GOLM2: variants seen among roughly 807,000 people sequenced by gnomAD.
GOLM2 encodes golgi membrane protein 2.
Under a neutral mutation model 55.9 loss-of-function variants are expected in GOLM2, and 26 were observed. That is an observed-to-expected ratio of 0.47 (90% CI 0.34 to 0.65). GOLM2 has a LOEUF of 0.65. Ranked by LOEUF, GOLM2 falls within the 30% of genes least tolerant of loss-of-function variation. The pLI is 0.01. For synonymous variants in GOLM2, 165 were observed against 194.6 expected, an observed-to-expected ratio of 0.85 and a Z score of 1.27; for missense variants, 486 against 531.8, an observed-to-expected ratio of 0.91 and a Z score of 0.85.
chr15:44,389,359 G>A (rs1028957248), intron 8 of GOLM2, among the ~76,000 whole-genome samples: 17 of 151,962 alleles, frequency 1.1e-4, no homozygotes. Context: ...GCAGAACCCT[G>A]TCTCTACTGA....
chr15:44,341,886 C>T (rs994134937), intron 6 of GOLM2, among the ~76,000 whole-genome samples: 7 of 151,826 alleles, frequency 4.6e-5, no homozygotes, highest in African/African-American at 4.8e-5. Flanking sequence ...TTAGTAGAGA[C>T]GGGGTTTCAC....
At chr15:44,323,275 C>G (rs2078963316) in intron 2 of GOLM2, among the ~76,000 whole-genome samples, 1 of 151,880 alleles carries the variant, frequency 6.6e-6, no homozygotes, top group Non-Finnish European at 1.5e-5. Flanking sequence ...ATGAAATGTT[C>G]TTAAGAGAAT....
chr15:44,364,609 T>C (rs1389207816), intron 6 of GOLM2, among the ~76,000 whole-genome samples: 1 of 151,480 alleles, frequency 6.6e-6, no homozygotes, highest in Non-Finnish European at 1.5e-5. Context: ...GTGGTAGGAT[T>C]GCTTGAGCCC....
At chr15:44,353,226 A>C (rs769240253) in intron 6 of GOLM2, among the ~76,000 whole-genome samples, 1 of 152,242 alleles carries the variant, frequency 6.6e-6, no homozygotes, top group Non-Finnish European at 1.5e-5. Flanking sequence ...TATCCAAAAG[A>C]CAGGCAATAA....
chr15:44,391,599 A>T (rs2079490037), intron 8 of GOLM2, among the ~76,000 whole-genome samples: 1 of 150,068 alleles, frequency 6.7e-6, no homozygotes, highest in Non-Finnish European at 1.5e-5. Flanking sequence ...AACAAAAATG[A>T]AAAAAAAAGA....
At chr15:44,361,849 T>G (rs1385295190) in intron 6 of GOLM2, among the ~76,000 whole-genome samples, 7 of 152,150 alleles carry the variant, frequency 4.6e-5, no homozygotes, top group African/African-American at 1.7e-4. Flanking sequence ...TCCGCCATGA[T>G]CAAGTGGGCT....
At chr15:44,369,232 GTGTT>G (rs1196044161) in intron 6 of GOLM2, among the ~76,000 whole-genome samples, 2 of 143,688 alleles carry the variant, frequency 1.4e-5, no homozygotes, top group Non-Finnish European at 3.0e-5. Context: ...GTGTGTGTGT[GTGTT>G]TGTATGTGTG....
At chr15:44,411,648 T>C (rs1056946669) in intron 9 of GOLM2, among the ~76,000 whole-genome samples, 5 of 151,886 alleles carry the variant, frequency 3.3e-5, no homozygotes, top group Non-Finnish European at 5.9e-5. Flanking sequence ...GAGACCGGCC[T>C]GGCCAACATG....
intron 1 of GOLM2, among the ~76,000 whole-genome samples, chr15:44,321,515 C>T (rs1006064827): frequency 4.0e-5 from 6 of 149,706 alleles, no homozygotes; most frequent in Non-Finnish European, 7.4e-5. Flanking sequence ...TGAGGGAGAT[C>T]TTTGTGATGA....
Position 44,380,807 on chromosome 15 carries a change from T to G in GOLM2, c.903T>G (p.Asp301Glu). The G allele has an allele frequency of 7.3e-6, 11 of 1,504,128 alleles. No individual in the cohort carries two copies. The highest frequency in any genetic ancestry group is 9.8e-6 in the Non-Finnish European group (11 of 1,127,350). 93.2% of individuals were successfully genotyped at this position (1,504,128 alleles called of 1,614,324 possible). ...GQPLSPNMPP[D>E]SHINHNGNPG... ...TAATTTGATGTTTTTATGCCACAGATTCACACATAAACCACAATGGAAACC... is the reference window on the plus strand; with the variant it reads ...TAATTTGATGTTTTTATGCCACAGAGTCACACATAAACCACAATGGAAACC... The change falls in exon 8 of 10, where the codon GAT (aspartate) becomes GAG (glutamate). Residue 301 changes from aspartate to glutamate, a missense_variant and splice_region_variant. Physicochemically the swap from Asp to Glu is conservative, Grantham distance 45. Coordinates refer to ENST00000299957, the MANE Select transcript of GOLM2 (RefSeq NM_138423.4).
intron 1 of GOLM2, among the ~76,000 whole-genome samples, chr15:44,300,319 A>C (rs1176879794): frequency 6.6e-6 from 1 of 152,106 alleles, no homozygotes; most frequent in Non-Finnish European, 1.5e-5. Context: ...CAAGTATATT[A>C]ATTCAGTTGA....
At chr15:44,301,728 A>G (rs910065986) in intron 1 of GOLM2, among the ~76,000 whole-genome samples, 7 of 152,004 alleles carry the variant, frequency 4.6e-5, no homozygotes, top group Non-Finnish European at 1.0e-4. Flanking sequence ...AATGTTGCAT[A>G]TTTTATTTTA....
rs150527197 is a variant in GOLM2, at chr15:44,338,829, T to C, written c.802+512T>C. On this transcript the variant is annotated intron_variant, in intron 6 of 9. Coordinates refer to ENST00000299957, the MANE Select transcript of GOLM2 (RefSeq NM_138423.4). ...CTTCTTTTCTGGCCACTTCTGTTCA[T>C]TGTATGTCTCTTTCCTCCTTAATGT... 7.9e-5 allele frequency among the ~76,000 whole-genome samples: 12 copies of C among 152,308 alleles called. No homozygotes were observed. In the East Asian group the frequency reaches 1.9e-3, roughly 24 times the overall value.
chr15:44,411,194 G>A (rs752859070), intron 9 of GOLM2, among the ~76,000 whole-genome samples: 96 of 151,210 alleles, frequency 6.3e-4, no homozygotes, highest in Non-Finnish European at 1.6e-4. Flanking sequence ...GCTAAATTTT[G>A]TATTTTTAGT....
Position 44,289,087 on chromosome 15 carries a change from GT to G in GOLM2, c.59del (p.Val20GlyfsTer5). On this transcript the variant is annotated frameshift_variant, in exon 1 of 10. Transcript: ENST00000299957. LOFTEE classifies it high-confidence loss of function. This position sits in a 1 kb window ranked among gnomAD's most constrained non-coding sequence, Gnocchi z 4.8. ...AGRLPSLVLV[V>X]LLVVIVVLAF... ...CCGCCTGCCCTCTCTCGTGCTGGTGGTGCTGCTGGTGGTGATCGTCGTCCTC... is the reference window on the plus strand; with the variant it reads ...CCGCCTGCCCTCTCTCGTGCTGGTGGGCTGCTGGTGGTGATCGTCGTCCTC... 6.2e-7 allele frequency: 1 copy of G among 1,614,150 alleles called. No individual in the cohort carries two copies. The highest frequency in any genetic ancestry group is 8.5e-7 in the Non-Finnish European group (1 of 1,180,006).
chr15:44,322,699 A>T (rs2141130743), intron 1 of GOLM2, among the ~76,000 whole-genome samples: 1 of 152,310 alleles, frequency 6.6e-6, no homozygotes, highest in East Asian at 1.9e-4. Context: ...TTTAGAAAAA[A>T]ATCATTATGT....
chr15:44,369,072 T>C (rs2079307964), intron 6 of GOLM2, among the ~76,000 whole-genome samples: 2 of 27,330 alleles, frequency 7.3e-5, no homozygotes, highest in Admixed American at 3.8e-4. Context: ...ATATATTATA[T>C]ATATATATAT....
rs570573636 is a variant in GOLM2, at chr15:44,414,351, A to T, written c.*945A>T. 4 of 152,354 alleles carry T rather than the reference A, an allele frequency of 2.6e-5. No homozygotes were observed. The East Asian group carries it at 7.7e-4, about 29-fold the overall frequency. 9.4% of individuals were successfully genotyped at this position (152,354 alleles called of 1,614,324 possible). A position where few individuals can be genotyped will look rare whatever the true frequency, so the allele number is the denominator to read the frequency against. ...AGCTTTCAGCTGAGGCCTGATGGAA[A>T]TTGAGATAACCTGCAAAGACATAAC... is the stretch of plus-strand genomic sequence containing the variant. On this transcript the variant is annotated 3_prime_UTR_variant, in exon 10 of 10. Transcript: ENST00000299957.
intron 6 of GOLM2, among the ~76,000 whole-genome samples, chr15:44,360,605 G>T (rs2079230940): frequency 1.3e-5 from 2 of 152,134 alleles, no homozygotes; most frequent in Non-Finnish European, 2.9e-5. Flanking sequence ...TTAATAATGG[G>T]TGACTTTAAT....
Sources: allele counts gnomAD v4.1 joint callset (sites outside exome capture counted in the v4.1 genomes callset), GRCh38; gene constraint gnomAD v4.1.1; non-coding constraint Gnocchi (gnomAD v3.1); transcripts MANE v1.5; gene names NCBI Gene and HGNC (gene_info 2026-07-23, HGNC 2026-07-21).